The following FSTL5 variants were observed in gnomAD, a reference collection of about 807,000 sequenced individuals.
FSTL5 encodes the protein follistatin-related protein 5.
In FSTL5, 62 loss-of-function variants were observed where a neutral mutation model predicts 89.1. The observed-to-expected ratio is 0.70, with a 90% CI of 0.57 to 0.86. The LOEUF (loss-of-function observed/expected upper bound fraction) is 0.86. Ranked by LOEUF, FSTL5 falls within the 40% of genes least tolerant of loss-of-function variation. The probability of loss-of-function intolerance (pLI) is 0.00; values close to 1 mark genes in which losing one functional copy is unlikely to be tolerated. For synonymous variants in FSTL5, 383 were observed against 346.2 expected (o/e 1.11, Z -1.18); for missense variants, 1,057 against 1,001.6 (o/e 1.06, Z -0.75).
chr4:161,895,814 AG>A (rs1429888834), intron 4 of FSTL5, among the ~76,000 whole-genome samples: 1 of 152,160 alleles, frequency 6.6e-6, no homozygotes, highest in African/African-American at 2.4e-5. Flanking sequence ...AGTGATTAGA[AG>A]ACCACTGGTT....
At chr4:161,926,528 C>G (rs10009716) in intron 3 of FSTL5, among the ~76,000 whole-genome samples, 67 of 150,768 alleles carry the variant, frequency 4.4e-4, no homozygotes, top group African/African-American at 1.6e-3. Flanking sequence ...TGAATGTTTG[C>G]TAGGAGATAT....
intron 7 of FSTL5, among the ~76,000 whole-genome samples, chr4:161,624,962 A>T (rs1255361108): frequency 6.6e-6 from 1 of 152,038 alleles, no homozygotes; most frequent in Non-Finnish European, 1.5e-5. Context: ...TTTTTTGGGG[A>T]CCATTTTGTC....
intron 4 of FSTL5, among the ~76,000 whole-genome samples, chr4:161,854,520 T>C (rs1261769316): frequency 6.6e-6 from 1 of 152,190 alleles, no homozygotes. Flanking sequence ...AAAGATGCGT[T>C]ATTACATACT....
intron 4 of FSTL5, among the ~76,000 whole-genome samples, chr4:161,784,638 T>C (rs1741816892): frequency 6.6e-6 from 1 of 151,976 alleles, no homozygotes; most frequent in Non-Finnish European, 1.5e-5. Context: ...CTCACGCCTG[T>C]AATCCCAGCA....
At chr4:161,480,124 G>T (rs2126451745) in intron 13 of FSTL5, among the ~76,000 whole-genome samples, 1 of 152,168 alleles carries the variant, frequency 6.6e-6, no homozygotes, top group East Asian at 1.9e-4. Flanking sequence ...TAAATGAAAA[G>T]AATGTTTTGG....
At chr4:161,572,892 C>T (rs1471062837) in intron 8 of FSTL5, among the ~76,000 whole-genome samples, 1 of 152,004 alleles carries the variant, frequency 6.6e-6, no homozygotes, top group Non-Finnish European at 1.5e-5. Flanking sequence ...TAAGAAAAAA[C>T]ATAGAGCATT....
intron 2 of FSTL5, among the ~76,000 whole-genome samples, chr4:162,099,845 C>A (rs1420590482): frequency 6.6e-6 from 1 of 152,128 alleles, no homozygotes; most frequent in Non-Finnish European, 1.5e-5. Flanking sequence ...CATCATATGT[C>A]ATTAGGGAAT....
chr4:161,568,412 G>A (rs1457664886), intron 8 of FSTL5, among the ~76,000 whole-genome samples: 4 of 152,166 alleles, frequency 2.6e-5, no homozygotes, highest in African/African-American at 9.7e-5. Flanking sequence ...AGCCCTGATG[G>A]TATATGCCTT....
chr4:161,722,496 T>C (rs1348387671), intron 6 of FSTL5, among the ~76,000 whole-genome samples: 1 of 152,204 alleles, frequency 6.6e-6, no homozygotes, highest in Non-Finnish European at 1.5e-5. Flanking sequence ...ACATTTCCTA[T>C]ATCTTCTTTC....
intron 4 of FSTL5, among the ~76,000 whole-genome samples, chr4:161,822,978 G>C (rs970595434): frequency 6.6e-6 from 1 of 152,166 alleles, no homozygotes; most frequent in Non-Finnish European, 1.5e-5. Context: ...CTATCCTGAT[G>C]AGTGTCCACC....
intron 8 of FSTL5, among the ~76,000 whole-genome samples, chr4:161,554,670 T>C (rs1218352019): frequency 6.6e-6 from 1 of 151,678 alleles, no homozygotes; most frequent in African/African-American, 2.4e-5. Context: ...TTTTTCTTGA[T>C]GCTATTATCT....
intron 1 of FSTL5, among the ~76,000 whole-genome samples, chr4:162,118,433 T>C (rs1731732722): frequency 6.6e-6 from 1 of 152,184 alleles, no homozygotes; most frequent in African/African-American, 2.4e-5. Context: ...GCTAATTTTT[T>C]GTATTTTTTA....
chr4:161,451,440 C>G (rs1338899514), intron 15 of FSTL5, among the ~76,000 whole-genome samples: 4 of 152,068 alleles, frequency 2.6e-5, no homozygotes, highest in Non-Finnish European at 5.9e-5. Context: ...GAGAGGAAGC[C>G]AGGCAGGGAA....
intron 15 of FSTL5, among the ~76,000 whole-genome samples, chr4:161,417,143 A>T (rs1731815442): frequency 6.6e-6 from 1 of 152,214 alleles, no homozygotes; most frequent in South Asian, 2.1e-4. Flanking sequence ...GCTATACTAA[A>T]ATCTCTGCAT....
chr4:161,486,835 A>G (rs907839897), intron 12 of FSTL5, among the ~76,000 whole-genome samples: 3 of 152,322 alleles, frequency 2.0e-5, no homozygotes, highest in South Asian at 2.1e-4. Context: ...TATGAATTTT[A>G]ATTAATTAAT....
At chr4:161,819,566 T>A (rs1249155119) in intron 4 of FSTL5, among the ~76,000 whole-genome samples, 1 of 152,066 alleles carries the variant, frequency 6.6e-6, no homozygotes, top group Non-Finnish European at 1.5e-5. Flanking sequence ...GAGTGTGACC[T>A]TTTTCACAGA....
At chr4:162,065,729 G>T (rs932555166) in intron 2 of FSTL5, among the ~76,000 whole-genome samples, 1 of 151,858 alleles carries the variant, frequency 6.6e-6, no homozygotes, top group East Asian at 1.9e-4. Context: ...CAAAATAAAT[G>T]AAATCAATAT....
intron 3 of FSTL5, among the ~76,000 whole-genome samples, chr4:161,943,702 C>CCCA (rs1366365420): frequency 2.0e-5 from 3 of 151,232 alleles, no homozygotes; most frequent in African/African-American, 7.3e-5. Context: ...ACTACAGGCA[C>CCCA]CCACCACCAT....
chr4:161,421,225 C>T (rs1731980467), intron 15 of FSTL5, among the ~76,000 whole-genome samples: 1 of 151,804 alleles, frequency 6.6e-6, no homozygotes, highest in Admixed American at 6.6e-5. Flanking sequence ...CCTGTAGTCC[C>T]AGCTACTCAG....
Sources: gnomAD v4.1 joint callset for allele counts (sites outside exome capture counted in the v4.1 genomes callset) on GRCh38, gnomAD v4.1.1 for gene constraint, MANE v1.5 for transcripts, NCBI Gene and HGNC (gene_info 2026-07-23, HGNC 2026-07-21) for gene names.